SLC4A8: variants seen among roughly 807,000 people sequenced by gnomAD.
The protein encoded by SLC4A8 is electroneutral sodium bicarbonate exchanger 1.
Under a neutral mutation model 125.0 loss-of-function variants are expected in SLC4A8, and 40 were observed. The ratio of observed to expected loss-of-function variants is 0.32; its 90% CI spans 0.25 to 0.42. The LOEUF (loss-of-function observed/expected upper bound fraction) is 0.42. Ranked by LOEUF, SLC4A8 falls within the 10% of genes least tolerant of loss-of-function variation. The pLI, the probability that SLC4A8 is intolerant of heterozygous loss-of-function variation, is 1.00. For missense variants in SLC4A8, 863 were observed against 1,355.1 expected (o/e 0.64, Z 5.70); for synonymous variants, 456 against 476.0 (o/e 0.96, Z 0.55).
intron 2 of SLC4A8, among the ~76,000 whole-genome samples, chr12:51,448,369 T>C (rs576762346): frequency 6.6e-6 from 1 of 152,200 alleles, no homozygotes; most frequent in East Asian, 1.9e-4. Context: ...ATTGAGAGAA[T>C]GACAAGGCCA....
intron 11 of SLC4A8, among the ~76,000 whole-genome samples, chr12:51,466,967 G>A (rs3028939): frequency 2.2e-5 from 3 of 137,060 alleles, no homozygotes; most frequent in African/African-American, 8.1e-5. Flanking sequence ...GTGTGTGTGT[G>A]TATGTGTGTA....
chr12:51,439,352 G>A (rs905630839), intron 1 of SLC4A8, among the ~76,000 whole-genome samples: 2 of 152,052 alleles, frequency 1.3e-5, no homozygotes, highest in Non-Finnish European at 2.9e-5. Flanking sequence ...CACCATGCCC[G>A]GCCAAGACAT....
Position 51,505,949 on chromosome 12 carries a change from T to C in SLC4A8, c.3269+19T>C. ...AAAAGAGGTAAAGAGAACTGTAACA[T>C]CTGGTTTTTATTTATTTCTGGCTTT... On this transcript the variant is annotated intron_variant, in intron 24 of 24. Transcript: ENST00000453097. 1 of 1,156,826 alleles carries C rather than the reference T, an allele frequency of 8.6e-7. No individual in the cohort carries two copies. Among genetic ancestry groups the C allele is most frequent in the South Asian group, 1.3e-5 (1 of 75,484 alleles). 71.7% of individuals were successfully genotyped at this position (1,156,826 alleles called of 1,614,324 possible).
chr12:51,445,762 T>A (rs1949755493), intron 2 of SLC4A8, among the ~76,000 whole-genome samples: 1 of 152,132 alleles, frequency 6.6e-6, no homozygotes, highest in Admixed American at 6.5e-5. Context: ...TTCTCCATCC[T>A]ACCCCTTACC....
chr12:51,452,358 G>A, intron 4 of SLC4A8, 99 bp downstream of exon 4: 1 of 1,386,228 alleles, frequency 7.2e-7, no homozygotes, highest in Non-Finnish European at 1.0e-6. Context: ...CTTCTTGGGA[G>A]AAGCTGTGAC....
chr12:51,469,813 T>C (rs746766198), intron 12 of SLC4A8, 25 bp downstream of exon 12: 2 of 1,611,128 alleles, frequency 1.2e-6, no homozygotes, highest in Non-Finnish European at 1.7e-6. Context: ...CCACTTCTAA[T>C]GATCCCAAAC....
In SLC4A8 at chr12:51,508,356, T is replaced by C. The variant is rs1469956435; in HGVS notation, c.*918T>C. 2 of 152,650 alleles carry C rather than the reference T, an allele frequency of 1.3e-5. No individual in the cohort carries two copies. Among genetic ancestry groups the C allele is most frequent in the African/African-American group, 2.4e-5 (1 of 41,438 alleles). 9.5% of individuals were successfully genotyped at this position (152,650 alleles called of 1,614,324 possible). Reference sequence around the variant, plus strand: ...TAGATATCTGGGAAAGATTTGATAATAGTTGTTTGTGAATAGAAAGGAGGA... The same window carrying C: ...TAGATATCTGGGAAAGATTTGATAACAGTTGTTTGTGAATAGAAAGGAGGA... On this transcript the variant is annotated 3_prime_UTR_variant, in exon 25 of 25. Transcript: ENST00000453097.
chr12:51,500,850 CT>C lies in SLC4A8; in HGVS notation c.3082-3166del, dbSNP rs71092703. Among the ~76,000 whole-genome samples the C allele has an allele frequency of 1.5e-3, 210 of 142,646 alleles. 3 individuals carry two copies. The highest frequency in any genetic ancestry group is 3.9e-3 in the African/African-American group (151 of 39,184). The allele number at this position is 142,646 out of a possible 152,430, so 93.6% of individuals were successfully genotyped here. On this transcript the variant is annotated intron_variant, in intron 22 of 24. Transcript: ENST00000453097. ...TACAGGCTCTCGCCCCTGCGCCTGGCTTTTTTTTTTTTTCTTTCTTTCTTTC... is the reference window on the plus strand; with the variant it reads ...TACAGGCTCTCGCCCCTGCGCCTGGCTTTTTTTTTTTTCTTTCTTTCTTTC...
intron 9 of SLC4A8, chr12:51,462,098 G>A: frequency 1.8e-6 from 1 of 553,654 alleles, no homozygotes; most frequent in Non-Finnish European, 3.2e-6. Flanking sequence ...TAGCAGACAT[G>A]TATTTAGTTC....
intron 18 of SLC4A8, among the ~76,000 whole-genome samples, chr12:51,489,302 A>G (rs117811671): frequency 0.018 from 2,735 of 152,188 alleles, 39 homozygotes; most frequent in South Asian, 0.027. Flanking sequence ...GCAATATCCA[A>G]ATCTGTCAAG....
At chr12:51,428,021 C>T (rs1362460875) in intron 1 of SLC4A8, among the ~76,000 whole-genome samples, 1 of 152,154 alleles carries the variant, frequency 6.6e-6, no homozygotes. Context: ...AGGACTGCCT[C>T]TCCTCCACTC....
chr12:51,508,388 G>A lies in SLC4A8; in HGVS notation c.*950G>A, dbSNP rs1470408787. On this transcript the variant is annotated 3_prime_UTR_variant, in exon 25 of 25. Transcript: ENST00000453097. ...TTGTGAATAGAAAGGAGGATATGAT[G>A]TTTTTATTGGCCATTTTGCGGGACT... is the stretch of plus-strand genomic sequence containing the variant. 2.0e-5 allele frequency: 3 copies of A among 152,610 alleles called. No individual in the cohort carries two copies. Among genetic ancestry groups the A allele is most frequent in the Non-Finnish European group, 4.4e-5 (3 of 68,046 alleles). The allele number at this position is 152,610 out of a possible 1,614,324, so 9.5% of individuals were successfully genotyped here. A position where few individuals can be genotyped will look rare whatever the true frequency, so the allele number is the denominator to read the frequency against.
intron 1 of SLC4A8, among the ~76,000 whole-genome samples, chr12:51,416,497 T>C (rs1948690335): frequency 6.6e-6 from 1 of 151,922 alleles, no homozygotes; most frequent in African/African-American, 2.4e-5. Context: ...ACAAAAATTA[T>C]CTGGGTGTGG....
chr12:51,452,292 G>A, intron 4 of SLC4A8, 33 bp downstream of exon 4: 1 of 1,612,870 alleles, frequency 6.2e-7, no homozygotes, highest in Non-Finnish European at 8.5e-7. Context: ...ATCAAGATCT[G>A]CTTGGGTAGG....
At chr12:51,470,768 T>TA (rs1950667704) in intron 13 of SLC4A8, among the ~76,000 whole-genome samples, 1 of 152,232 alleles carries the variant, frequency 6.6e-6, no homozygotes, top group East Asian at 1.9e-4. Flanking sequence ...CTTGACTTTT[T>TA]ATCTTTAAAA....
chr12:51,441,307 CTT>C, intron 2 of SLC4A8: 1 of 636,102 alleles, frequency 1.6e-6, no homozygotes, highest in African/African-American at 2.0e-5. Context: ...GTGACATACT[CTT>C]GAGTTCATAA....
At chr12:51,499,402 G>A (rs918413244) in intron 22 of SLC4A8, among the ~76,000 whole-genome samples, 1 of 151,630 alleles carries the variant, frequency 6.6e-6, no homozygotes, top group Admixed American at 6.6e-5. Flanking sequence ...TTATTGTGTT[G>A]CTCTATGTCT....
intron 21 of SLC4A8, 91 bp downstream of exon 21, chr12:51,495,209 G>A (rs1249541670): frequency 2.7e-6 from 3 of 1,118,626 alleles, no homozygotes; most frequent in Non-Finnish European, 1.3e-6. Context: ...ATTTTTAAGT[G>A]TACAGTTGAG....
chr12:51,418,655 A>G (rs980134213), intron 1 of SLC4A8, among the ~76,000 whole-genome samples: 3 of 152,194 alleles, frequency 2.0e-5, no homozygotes, highest in Non-Finnish European at 2.9e-5. Context: ...TCAATTTGGT[A>G]AAATGTTAGA....
Sources: gnomAD v4.1 joint callset for allele counts (sites outside exome capture counted in the v4.1 genomes callset) on GRCh38, gnomAD v4.1.1 for gene constraint, MANE v1.5 for transcripts, NCBI Gene and HGNC (gene_info 2026-07-23, HGNC 2026-07-21) for gene names.